Variants in KCNIP4 observed in about 807,000 individuals in gnomAD.
The protein encoded by KCNIP4 is potassium voltage-gated channel interacting protein 4.
In KCNIP4, 12 loss-of-function variants were observed where a neutral mutation model predicts 34.0. The ratio of observed to expected loss-of-function variants is 0.35; its 90% CI spans 0.23 to 0.57. The LOEUF (loss-of-function observed/expected upper bound fraction) is 0.57, where lower values mean the gene tolerates loss of function less well. Ranked by LOEUF, KCNIP4 falls within the 20% of genes least tolerant of loss-of-function variation. KCNIP4 has a pLI of 0.83. For missense variants in KCNIP4, 238 were observed against 311.7 expected (o/e 0.76, Z 1.78); for synonymous variants, 124 against 102.2 (o/e 1.21, Z -1.29).
intron 1 of KCNIP4, among the ~76,000 whole-genome samples, chr4:21,510,882 T>A (rs28568275): frequency 2.0e-5 from 3 of 151,130 alleles, no homozygotes; most frequent in Non-Finnish European, 4.4e-5. Flanking sequence ...ATTAAAAAAA[T>A]AAAAATAAAA....
chr4:21,299,561 G>A (rs1185715506), intron 1 of KCNIP4, among the ~76,000 whole-genome samples: 1 of 152,092 alleles, frequency 6.6e-6, no homozygotes, highest in Non-Finnish European at 1.5e-5. Context: ...AGTTTACAAA[G>A]ACTTCTCTGA....
intron 3 of KCNIP4, among the ~76,000 whole-genome samples, chr4:20,766,334 C>T (rs1247272704): frequency 6.6e-6 from 1 of 152,062 alleles, no homozygotes; most frequent in Non-Finnish European, 1.5e-5. Flanking sequence ...TTTGGGAGGC[C>T]AAGGTGGGTG....
At chr4:21,826,052 T>G (rs1231313694) in intron 1 of KCNIP4, among the ~76,000 whole-genome samples, 1 of 152,098 alleles carries the variant, frequency 6.6e-6, no homozygotes, top group Non-Finnish European at 1.5e-5. Context: ...GCCTTTTCAG[T>G]GTCCAGGAAA....
intron 1 of KCNIP4, among the ~76,000 whole-genome samples, chr4:21,135,838 C>A (rs919103093): frequency 4.6e-5 from 7 of 152,134 alleles, no homozygotes; most frequent in Admixed American, 3.9e-4. Context: ...TTGAGCTCCA[C>A]GTCCCTATTT....
chr4:21,447,409 C>A (rs1186203368), intron 1 of KCNIP4, among the ~76,000 whole-genome samples: 1 of 152,118 alleles, frequency 6.6e-6, no homozygotes, highest in Non-Finnish European at 1.5e-5. Context: ...GGCATCTGGA[C>A]TCCAGAATTG....
chr4:21,868,388 A>G (rs1725559122), intron 1 of KCNIP4, among the ~76,000 whole-genome samples: 1 of 152,210 alleles, frequency 6.6e-6, no homozygotes, highest in African/African-American at 2.4e-5. Context: ...ATAACTAAAA[A>G]TTAAAATTTA....
intron 1 of KCNIP4, among the ~76,000 whole-genome samples, chr4:21,746,211 T>C (rs545027983): frequency 1.9e-3 from 294 of 152,278 alleles, no homozygotes; most frequent in Non-Finnish European, 3.2e-3. Flanking sequence ...TAAAGCCCTA[T>C]CTTCAAATAT....
intron 1 of KCNIP4, among the ~76,000 whole-genome samples, chr4:21,934,658 T>C (rs1729749495): frequency 6.6e-6 from 1 of 152,040 alleles, no homozygotes; most frequent in Non-Finnish European, 1.5e-5. Context: ...AGAATGATTC[T>C]AGCTCAGCTC....
At chr4:20,753,771 T>C (rs2149349547) in intron 4 of KCNIP4, among the ~76,000 whole-genome samples, 1 of 152,336 alleles carries the variant, frequency 6.6e-6, no homozygotes, top group South Asian at 2.1e-4. Flanking sequence ...ACAAGAAGGA[T>C]ACTCAGTGGG....
chr4:20,956,756 G>A (rs760261502), intron 1 of KCNIP4, among the ~76,000 whole-genome samples: 2 of 152,112 alleles, frequency 1.3e-5, no homozygotes, highest in African/African-American at 2.4e-5. Flanking sequence ...AAGGCAAGAA[G>A]TAAAACAACC....
At chr4:21,340,979 T>G (rs923640927) in intron 1 of KCNIP4, among the ~76,000 whole-genome samples, 10 of 152,134 alleles carry the variant, frequency 6.6e-5, no homozygotes, top group Admixed American at 5.2e-4. Context: ...TATAGGGTAT[T>G]TGTGGACAAA....
chr4:21,156,720 C>T (rs890925281), intron 1 of KCNIP4, among the ~76,000 whole-genome samples: 5 of 152,112 alleles, frequency 3.3e-5, no homozygotes, highest in South Asian at 2.1e-4. Flanking sequence ...ATGTTCTTAA[C>T]CATTGCCCAA....
chr4:21,854,266 C>T (rs538492567), intron 1 of KCNIP4, among the ~76,000 whole-genome samples: 13 of 152,298 alleles, frequency 8.5e-5, no homozygotes, highest in Admixed American at 3.9e-4. Context: ...AATCTGTTTA[C>T]TGGATTTTCT....
chr4:21,420,623 G>A (rs1272762858), intron 1 of KCNIP4, among the ~76,000 whole-genome samples: 1 of 151,948 alleles, frequency 6.6e-6, no homozygotes, highest in Non-Finnish European at 1.5e-5. Flanking sequence ...TCCCACTCTG[G>A]AATATGCAGT....
At chr4:21,559,972 T>C (rs1289749661) in intron 1 of KCNIP4, among the ~76,000 whole-genome samples, 2 of 152,164 alleles carry the variant, frequency 1.3e-5, no homozygotes, top group East Asian at 3.9e-4. Flanking sequence ...TCCTCTTGCT[T>C]GATTTATGCC....
chr4:21,501,245 C>G lies in KCNIP4; in HGVS notation c.61+447326G>C, dbSNP rs1267238925. Among the ~76,000 whole-genome samples the G allele has an allele frequency of 8.9e-4, 80 of 89,518 alleles. No individual in the cohort carries two copies. In the East Asian group the frequency reaches 0.016, roughly 18 times the overall value. 58.7% of individuals were successfully genotyped at this position (89,518 alleles called of 152,430 possible). On this transcript the variant is annotated intron_variant, in intron 1 of 8. Transcript: ENST00000382152. ...CCTTTCTCTCTCTCTCTCTCTCTCT[C>G]TCTCACACACACACACACACACACA... is the stretch of plus-strand genomic sequence containing the variant.
chr4:21,400,132 A>T (rs1169127292), intron 1 of KCNIP4, among the ~76,000 whole-genome samples: 1 of 152,182 alleles, frequency 6.6e-6, no homozygotes, highest in South Asian at 2.1e-4. Context: ...AACAGCCTCT[A>T]TGTCAATCAT....
rs549383421 is a variant in KCNIP4, at chr4:20,776,399, C to A, written c.289-17509G>T. On this transcript the variant is annotated intron_variant, in intron 3 of 8. Coordinates refer to ENST00000382152, the MANE Select transcript of KCNIP4 (RefSeq NM_025221.6). ...ATTTAAATAATAGGAGCTCTACTTT[C>A]GGTTTCTTGTTATCTTTGCTGGGAG... Among the ~76,000 whole-genome samples the A allele has an allele frequency of 4.6e-5, 7 of 152,222 alleles. No homozygotes were observed. The East Asian group carries it at 1.4e-3, about 29-fold the overall frequency.
chr4:21,472,902 T>G (rs994428587), intron 1 of KCNIP4, among the ~76,000 whole-genome samples: 6 of 152,224 alleles, frequency 3.9e-5, no homozygotes, highest in Non-Finnish European at 7.3e-5. Context: ...AGTGCCTGGC[T>G]CATAGCTAGC....
Sources: gnomAD v4.1 joint callset for allele counts (sites outside exome capture counted in the v4.1 genomes callset) on GRCh38, gnomAD v4.1.1 for gene constraint, MANE v1.5 for transcripts, NCBI Gene and HGNC (gene_info 2026-07-23, HGNC 2026-07-21) for gene names.